Variants in RNF135 observed in about 807,000 individuals in gnomAD.
RNF135 encodes E3 ubiquitin-protein ligase RNF135.
RNF135 carries 46 observed loss-of-function variants against 41.9 expected under a neutral mutation model. The ratio of observed to expected loss-of-function variants is 1.10; its 90% CI spans 0.87 to 1.40. The LOEUF is 1.40. Among genes scored for constraint, RNF135 ranks in the 40% most tolerant of loss-of-function variants. RNF135 has a pLI of 0.00. For missense variants in RNF135, 539 were observed against 549.8 expected, an observed-to-expected ratio of 0.98 and a Z score of 0.20; for synonymous variants, 238 against 223.8, an observed-to-expected ratio of 1.06 and a Z score of -0.57.
intron 1 of RNF135, chr17:30,975,312 C>T (rs1906345344): frequency 1.5e-6 from 1 of 646,004 alleles, no homozygotes; most frequent in South Asian, 1.7e-5. Context: ...AACAGAGCAA[C>T]ATCCTGTTTC....
At chr17:30,975,585 A>G in intron 1 of RNF135, 1 of 830,306 alleles carries the variant, frequency 1.2e-6, no homozygotes, top group South Asian at 1.3e-5. Flanking sequence ...TTCAAGAACC[A>G]CAGAGCAAAA....
In RNF135 at chr17:30,999,284, GA is replaced by G; in HGVS notation, c.*98del. 2 of 1,369,014 alleles carry G rather than the reference GA, an allele frequency of 1.5e-6. No individual in the cohort carries two copies. Among genetic ancestry groups the G allele is most frequent in the Non-Finnish European group, 2.0e-6 (2 of 983,290 alleles). The allele number at this position is 1,369,014 out of a possible 1,614,324, so 84.8% of individuals were successfully genotyped here. ...CTTGACTTAAGAATACCACTTTTTA[GA>G]AAAATTACGATAGAGATGGGATCTC... On this transcript the variant is annotated 3_prime_UTR_variant, in exon 5 of 5. Transcript: ENST00000328381.
chr17:30,982,306 G>C (rs1035536944), intron 1 of RNF135, among the ~76,000 whole-genome samples: 1 of 152,214 alleles, frequency 6.6e-6, no homozygotes, highest in Non-Finnish European at 1.5e-5. Context: ...ACTGGGGTGG[G>C]TGATTTGATT....
chr17:30,962,759 C>T, the RNF135 span, among the ~76,000 whole-genome samples: 39 of 152,188 alleles, frequency 2.6e-4, no homozygotes, highest in Non-Finnish European at 5.0e-4. Context: ...CCACCGTGTC[C>T]GGCCTAAATT....
chr17:30,998,578 A>C, intron 4 of RNF135, 84 bp from the exon 5 acceptor site: 1 of 1,330,778 alleles, frequency 7.5e-7, no homozygotes, highest in Non-Finnish European at 1.1e-6. Context: ...CAAAAGATAC[A>C]AAGTTGCTAT....
intron 1 of RNF135, among the ~76,000 whole-genome samples, chr17:30,979,534 C>G (rs1857081643): frequency 1.9e-5 from 1 of 52,592 alleles, no homozygotes; most frequent in African/African-American, 2.0e-4. Context: ...GCTGGCCGAC[C>G]CCCCCCCCCC....
At chr17:30,965,365 C>T in the RNF135 span, 1 of 137,036 alleles carries the variant, frequency 7.3e-6, no homozygotes, top group Non-Finnish European at 1.5e-5. Context: ...ACAAAAAAAC[C>T]CAAAAATGTA....
upstream of RNF135, among the ~76,000 whole-genome samples, chr17:30,969,763 T>C (rs948931376): frequency 1.7e-4 from 24 of 138,604 alleles, no homozygotes; most frequent in South Asian, 1.2e-3. Context: ...TTTTTTCTTT[T>C]TTTTTTTTTT....
At position 30,971,322 on chromosome 17, in the gene RNF135, C is replaced by A; in HGVS notation, c.249C>A (p.Asp83Glu). Residue 83 changes from aspartate (D) to glutamate (E), a missense_variant, in exon 1 of 5, where the codon GAC becomes GAA. Physicochemically the swap from Asp to Glu is conservative, Grantham distance 45. Coordinates refer to ENST00000328381, the MANE Select transcript of RNF135 (RefSeq NM_032322.4). ...RKNTLLQDLA[D>E]KYRRAAREIQ... ...ACACGCTACTGCAGGACCTGGCCGA[C>A]AAGTACCGCCGCGCCGCACGCGAGA... 1 of 1,533,922 alleles carries A rather than the reference C, an allele frequency of 6.5e-7. No homozygotes were observed.
chr17:30,960,410 GA>G, the RNF135 span, among the ~76,000 whole-genome samples: 2,284 of 125,050 alleles, frequency 0.018, 60 homozygotes, highest in African/African-American at 0.06. Context: ...AAAAGAAAAA[GA>G]AAAAAAAAAA....
chr17:30,969,828 A>T (rs1167049941), upstream of RNF135, among the ~76,000 whole-genome samples: 1 of 136,400 alleles, frequency 7.3e-6, no homozygotes, highest in Admixed American at 8.9e-5. Context: ...GCAGTGGCGC[A>T]GTCTTGGCTC....
At chr17:30,988,203 G>C (rs1907728255) in intron 3 of RNF135, 97 bp downstream of exon 3, 1 of 1,179,476 alleles carries the variant, frequency 8.5e-7, no homozygotes, top group African/African-American at 1.5e-5. Context: ...TAGGATCCCA[G>C]AGTCCAGCTG....
At chr17:30,993,598 T>A (rs1908135764) in intron 3 of RNF135, among the ~76,000 whole-genome samples, 2 of 152,184 alleles carry the variant, frequency 1.3e-5, no homozygotes, top group Admixed American at 6.6e-5. Flanking sequence ...GCTTAAAATG[T>A]TGCTCTTAAC....
At chr17:30,990,153 CTTAGTGATTT>C (rs1907886333) in intron 3 of RNF135, among the ~76,000 whole-genome samples, 1 of 151,980 alleles carries the variant, frequency 6.6e-6, no homozygotes, top group Admixed American at 6.6e-5. Flanking sequence ...GGTTGGGTTC[CTTAGTGATTT>C]TATTTATACA....
At position 30,998,919 on chromosome 17, in the gene RNF135, A is replaced by G. The variant is rs1908557102; in HGVS notation, c.1027A>G (p.Thr343Ala). ...GAGCCGCGACCAGGTCCTGGGAAGGACTATGGACTCTTGTTGTGTGGAATG... is the reference window on the plus strand; with the variant it reads ...GAGCCGCGACCAGGTCCTGGGAAGGGCTATGGACTCTTGTTGTGTGGAATG... ...EMSRDQVLGR[T>A]MDSCCVEWKG... The change falls in exon 5 of 5, where the codon ACT becomes GCT. Residue 343 changes from threonine to alanine, a missense_variant. This residue lies in a region of RNF135 where 262 missense variants were observed against 336.9 expected (regional missense o/e 0.78). Transcript: ENST00000328381. 1 of 1,613,520 alleles carries G rather than the reference A, an allele frequency of 6.2e-7. No homozygotes were observed. The highest frequency in any genetic ancestry group is 8.5e-7 in the Non-Finnish European group (1 of 1,179,592).
intron 1 of RNF135, among the ~76,000 whole-genome samples, chr17:30,984,037 T>G (rs557556352): frequency 1.4e-4 from 22 of 152,342 alleles, no homozygotes; most frequent in African/African-American, 4.3e-4. Context: ...TCTCTGTATA[T>G]TCTCAGTATT....
intron 1 of RNF135, among the ~76,000 whole-genome samples, chr17:30,973,550 C>CG (rs1906183846): frequency 6.6e-6 from 1 of 151,922 alleles, no homozygotes; most frequent in African/African-American, 2.4e-5. Context: ...TCACTGCAGC[C>CG]TCCACCTCCC....
At chr17:30,976,779 C>T (rs1906496526) in intron 1 of RNF135, among the ~76,000 whole-genome samples, 1 of 151,912 alleles carries the variant, frequency 6.6e-6, no homozygotes, top group African/African-American at 2.4e-5. Flanking sequence ...TTTTGGTTTC[C>T]ATTGGCATGG....
At chr17:30,958,975 C>T in the RNF135 span, 7 of 152,254 alleles carry the variant, frequency 4.6e-5, no homozygotes, top group African/African-American at 1.7e-4. Flanking sequence ...TGTGTCCTTC[C>T]TGAAGCTTCT....
Sources: gnomAD v4.1 joint callset for allele counts (sites outside exome capture counted in the v4.1 genomes callset) on GRCh38, gnomAD v4.1.1 for gene constraint, gnomAD v4.1.1 regional missense constraint, MANE v1.5 for transcripts, NCBI Gene and HGNC (gene_info 2026-07-23, HGNC 2026-07-21) for gene names.